Variants in MAP3K19 observed in about 807,000 individuals in gnomAD.
MAP3K19 encodes SPS1/STE20-related protein kinase YSK4.
In MAP3K19, 91 loss-of-function variants were observed where a neutral mutation model predicts 114.4. That is an observed-to-expected ratio of 0.80 (90% CI 0.67 to 0.95). MAP3K19 has a LOEUF of 0.95. MAP3K19 is among the 40% of genes least tolerant of loss of function. The pLI is 0.00. For synonymous variants in MAP3K19, 518 were observed against 530.5 expected, an observed-to-expected ratio of 0.98 and a Z score of 0.32; for missense variants, 1,471 against 1,573.2, an observed-to-expected ratio of 0.94 and a Z score of 1.10.
At chr2:135,031,975 T>G (rs1688391450) in intron 2 of MAP3K19, among the ~76,000 whole-genome samples, 1 of 152,098 alleles carries the variant, frequency 6.6e-6, no homozygotes, top group Non-Finnish European at 1.5e-5. Flanking sequence ...TGCTTCTGCA[T>G]GAAACCCACT....
intron 3 of MAP3K19, among the ~76,000 whole-genome samples, chr2:135,026,207 T>C (rs1453460078): frequency 6.6e-6 from 1 of 152,214 alleles, no homozygotes; most frequent in East Asian, 1.9e-4. Flanking sequence ...TATAATTATT[T>C]AAGGGTGCAT....
intron 12 of MAP3K19, 79 bp downstream of exon 12, chr2:134,980,742 G>A: frequency 7.7e-7 from 1 of 1,301,384 alleles, no homozygotes; most frequent in Non-Finnish European, 1.1e-6. Flanking sequence ...CTTTTAATGG[G>A]CCATAAATTG....
intron 1 of MAP3K19, among the ~76,000 whole-genome samples, chr2:135,043,224 C>T (rs969081389): frequency 2.0e-5 from 3 of 152,166 alleles, no homozygotes; most frequent in Admixed American, 1.3e-4. Context: ...ATTCCTTTTA[C>T]AGAAAGACAA....
Position 134,998,637 on chromosome 2 carries a change from T to C in MAP3K19, c.574+101A>G, listed in dbSNP as rs532121127. 74 of 1,257,980 alleles carry C rather than the reference T, an allele frequency of 5.9e-5. No individual in the cohort carries two copies. The African/African-American group carries it at 1.1e-3, about 18-fold the overall frequency. 77.9% of individuals were successfully genotyped at this position (1,257,980 alleles called of 1,614,324 possible). On this transcript the variant is annotated intron_variant, in intron 8 of 12. Coordinates refer to ENST00000392915, the MANE Select transcript of MAP3K19 (RefSeq NM_025052.5). The stretch of plus-strand genomic sequence containing the variant: ...CAAGGGCTGGGGTTATTTTCTGGTA[T>C]GTTCACTGCTTTATCTCTAGCATTT...
At chr2:134,994,343 G>A (rs1685834307) in intron 8 of MAP3K19, among the ~76,000 whole-genome samples, 1 of 152,184 alleles carries the variant, frequency 6.6e-6, no homozygotes, top group Admixed American at 6.5e-5. Context: ...CTGAAGACAG[G>A]GATGCAGGCA....
chr2:134,982,199 G>A lies in MAP3K19; in HGVS notation c.3223-681C>T, dbSNP rs1286640410. 2.2e-5 allele frequency among the ~76,000 whole-genome samples: 3 copies of A among 137,358 alleles called. No individual in the cohort carries two copies. In the South Asian group the frequency reaches 7.2e-4, roughly 33 times the overall value. The allele number at this position is 137,358 out of a possible 152,430, so 90.1% of individuals were successfully genotyped here. A position where few individuals can be genotyped will look rare whatever the true frequency, so the allele number is the denominator to read the frequency against. On this transcript the variant is annotated intron_variant, in intron 11 of 12. Transcript: ENST00000392915. ...GTGGCCCTGATCATATCTCACTGCA[G>A]CCTCAAATTCCTGGGCTCAAGCGAT... is the stretch of plus-strand genomic sequence containing the variant.
intron 5 of MAP3K19, among the ~76,000 whole-genome samples, chr2:135,017,882 C>G (rs1449121618): frequency 6.6e-6 from 1 of 152,206 alleles, no homozygotes; most frequent in Non-Finnish European, 1.5e-5. Context: ...TGATTAAAAG[C>G]TACACTGTTG....
At chr2:135,013,487 T>C (rs947727601) in intron 5 of MAP3K19, among the ~76,000 whole-genome samples, 3 of 152,166 alleles carry the variant, frequency 2.0e-5, no homozygotes, top group Non-Finnish European at 4.4e-5. Flanking sequence ...GTACATTCTA[T>C]GGGTTTGAAC....
At chr2:134,993,927 T>C (rs1238371074) in intron 8 of MAP3K19, among the ~76,000 whole-genome samples, 1 of 152,172 alleles carries the variant, frequency 6.6e-6, no homozygotes, top group Non-Finnish European at 1.5e-5. Context: ...GGAGGATCAC[T>C]TAAGCCTGGA....
chr2:135,022,743 T>G (rs1688067043), intron 4 of MAP3K19, among the ~76,000 whole-genome samples: 1 of 152,178 alleles, frequency 6.6e-6, no homozygotes, highest in African/African-American at 2.4e-5. Context: ...GAAGTTAAAT[T>G]AATAGCGATC....
chr2:135,028,175 C>A (rs934352429), intron 3 of MAP3K19, among the ~76,000 whole-genome samples: 2 of 152,140 alleles, frequency 1.3e-5, no homozygotes, highest in East Asian at 3.8e-4. Context: ...CTGATTGGTG[C>A]TAGAATGTAA....
At chr2:134,988,964 C>T (rs1685368152) in intron 9 of MAP3K19, among the ~76,000 whole-genome samples, 2 of 152,146 alleles carry the variant, frequency 1.3e-5, no homozygotes, top group South Asian at 4.1e-4. Context: ...TCAAAAATTA[C>T]CAGTTATTGA....
rs1250749128 is a variant in MAP3K19 at position 134,983,683 on chromosome 2, T to C, written c.3215A>G (p.Tyr1072Cys). The C allele has an allele frequency of 6.4e-7, 1 of 1,567,094 alleles. No individual in the cohort carries two copies. Among genetic ancestry groups the C allele is most frequent in the South Asian group, 1.2e-5 (1 of 81,554 alleles). The change falls in exon 11 of 13, where the codon TAC becomes TGC. Residue 1072 changes from tyrosine (Y) to cysteine (C), a missense_variant. By Grantham distance (194) the Tyr-to-Cys change is radical (BLOSUM62 -2). Coordinates refer to ENST00000392915, the MANE Select transcript of MAP3K19 (RefSeq NM_025052.5). ...TKGEILGKGA[Y>C]GTVYCGLTSQ... ...GTTTCCAGTTTAACTTACTGTGCCG[T>C]AGGCTCCCTTTCCAAGAATCTCACC...
At chr2:135,036,807 G>A (rs1309706255) in intron 2 of MAP3K19, among the ~76,000 whole-genome samples, 1 of 151,992 alleles carries the variant, frequency 6.6e-6, no homozygotes, top group Non-Finnish European at 1.5e-5. Context: ...AGAAAAACCA[G>A]GAGGAGGTCA....
In MAP3K19 at chr2:134,980,837, G is replaced by A. The variant is rs760518747; in HGVS notation, c.3904C>T (p.Arg1302Cys). ...HFSENAADFV[R>C]MCLTRDQHER... Reference sequence around the variant, plus strand: ...GTTTCTTACCTGGTCAGGCACATGCGCACAAAGTCTGCTGCATTTTCTGAG... The same window carrying A: ...GTTTCTTACCTGGTCAGGCACATGCACACAAAGTCTGCTGCATTTTCTGAG... Residue 1302 changes from arginine to cysteine, a missense_variant, in exon 12 of 13, where the codon CGC (arginine) becomes TGC (cysteine). Arg to Cys is a radical substitution (Grantham distance 180). Transcript: ENST00000392915. 62 of 1,613,272 alleles carry A rather than the reference G, an allele frequency of 3.8e-5. No individual in the cohort carries two copies. The highest frequency in any genetic ancestry group is 1.9e-4 in the African/African-American group (14 of 74,884).
intron 4 of MAP3K19, chr2:135,023,381 C>T: frequency 1.9e-6 from 1 of 517,266 alleles, no homozygotes; most frequent in South Asian, 1.5e-5. Context: ...TTTTCTCACT[C>T]TCATCAGTCC....
At chr2:135,018,398 A>T (rs1028136927) in intron 5 of MAP3K19, among the ~76,000 whole-genome samples, 2 of 151,766 alleles carry the variant, frequency 1.3e-5, no homozygotes, top group African/African-American at 4.8e-5. Context: ...GCATAGTGGC[A>T]TGGTCTTGGC....
chr2:134,985,760 C>T (rs1165487910), intron 10 of MAP3K19, 40 bp downstream of exon 10: 2 of 1,513,854 alleles, frequency 1.3e-6, no homozygotes, highest in East Asian at 2.3e-5. Context: ...CTCTGAGGTC[C>T]TTCCCACCCC....
At chr2:134,989,774 G>T (rs1685424983) in intron 9 of MAP3K19, among the ~76,000 whole-genome samples, 1 of 151,996 alleles carries the variant, frequency 6.6e-6, no homozygotes, top group African/African-American at 2.4e-5. Flanking sequence ...TAAATAGGTT[G>T]AAAAAAGACA....
Sources: allele counts gnomAD v4.1 joint callset (sites outside exome capture counted in the v4.1 genomes callset), GRCh38; gene constraint gnomAD v4.1.1; transcripts MANE v1.5; gene names NCBI Gene and HGNC (gene_info 2026-07-23, HGNC 2026-07-21).